ABRA: variants seen among roughly 807,000 people sequenced by gnomAD.
ABRA encodes the protein actin-binding Rho-activating protein.
In ABRA, 25 loss-of-function variants were observed where a neutral mutation model predicts 33.4. The ratio of observed to expected loss-of-function variants is 0.75; its 90% CI spans 0.55 to 1.04. ABRA has a LOEUF of 1.04. Ranked by LOEUF, ABRA falls within the 50% of genes least tolerant of loss-of-function variation. The pLI, the probability that ABRA is intolerant of heterozygous loss-of-function variation, is 0.00. For missense variants in ABRA, 501 were observed against 491.7 expected (o/e 1.02, Z -0.18); for synonymous variants, 193 against 176.8 (o/e 1.09, Z -0.73).
At chr8:106,765,466 C>A (rs1836204502) in intron 1 of ABRA, among the ~76,000 whole-genome samples, 1 of 152,182 alleles carries the variant, frequency 6.6e-6, no homozygotes, top group African/African-American at 2.4e-5. Context: ...TGCAGGCACC[C>A]TCCTCTGTCA....
rs770172317 is a variant in ABRA at position 106,770,028 on chromosome 8, C to T, written c.163G>A (p.Gly55Arg). 2 of 1,614,006 alleles carry T rather than the reference C, an allele frequency of 1.2e-6. No homozygotes were observed. The highest frequency in any genetic ancestry group is 1.7e-5 in the Admixed American group (1 of 60,014). ...AQEPTGWLPG[G>R]TQDSPQAPKP... is the part of the protein sequence containing the mutation. ...GGAGCTTGAGGTGAGTCCTGGGTCCCTCCCGGCAGCCAGCCTGTAGGCTCC... is the reference window on the plus strand; with the variant it reads ...GGAGCTTGAGGTGAGTCCTGGGTCCTTCCCGGCAGCCAGCCTGTAGGCTCC... Residue 55 changes from glycine to arginine, a missense_variant, in exon 1 of 2, where the codon GGG (glycine) becomes AGG (arginine). Physicochemically the swap from Gly to Arg is moderately radical, Grantham distance 125 (BLOSUM62 -2). Coordinates refer to ENST00000311955, the MANE Select transcript of ABRA (RefSeq NM_139166.5).
In ABRA at chr8:106,761,176, A is replaced by C. The variant is rs747175272; in HGVS notation, c.1007T>G (p.Leu336Arg). 1.2e-6 allele frequency: 2 copies of C among 1,614,148 alleles called. No homozygotes were observed. The highest frequency in any genetic ancestry group is 1.7e-6 in the Non-Finnish European group (2 of 1,180,054). ...TGAAATACGAACGTATCTGTCAAAG[A>C]GATCTCCAAAAGTAACCTGGATCTT... ...DGKIQVTFGD[L>R]FDRYVRISDK... The change falls in exon 2 of 2, where the codon CTC (leucine) becomes CGC (arginine). Residue 336 changes from leucine (L) to arginine (R), a missense_variant. Physicochemically the swap from Leu to Arg is moderately radical, Grantham distance 102. Transcript: ENST00000311955.
At chr8:106,768,094 CAA>C (rs397957500) in intron 1 of ABRA, among the ~76,000 whole-genome samples, 330 of 106,576 alleles carry the variant, frequency 3.1e-3, no homozygotes, top group African/African-American at 9.1e-3. Context: ...GACTTCATCT[CAA>C]AAAAAAAAAA....
chr8:106,762,637 G>A (rs2131630478), intron 1 of ABRA, among the ~76,000 whole-genome samples: 1 of 152,134 alleles, frequency 6.6e-6, no homozygotes, highest in East Asian at 1.9e-4. Flanking sequence ...CACAGGGAGG[G>A]GAACAGCACA....
chr8:106,760,785 C>A lies in ABRA; in HGVS notation c.*252G>T. 4.6e-6 allele frequency: 2 copies of A among 433,754 alleles called. No homozygotes were observed. Among genetic ancestry groups the A allele is most frequent in the Non-Finnish European group, 8.2e-6 (2 of 245,116 alleles). The allele number at this position is 433,754 out of a possible 1,614,324, so 26.9% of individuals were successfully genotyped here. On this transcript the variant is annotated 3_prime_UTR_variant, in exon 2 of 2. Coordinates refer to ENST00000311955, the MANE Select transcript of ABRA (RefSeq NM_139166.5). ...TGTCTCAAAACAAAAACAAAAACAC[C>A]CTGTGGAATTTCAACTATTAATACT...
rs36024019 is a variant in ABRA at position 106,761,447 on chromosome 8, T to C, written c.736A>G (p.Lys246Glu). The change falls in exon 2 of 2, where the codon AAA (lysine) becomes GAA (glutamate). Residue 246 changes from lysine to glutamate, a missense_variant. Lys to Glu is a moderately conservative substitution (Grantham distance 56). Transcript: ENST00000311955. ...QQKYSPVGNL[K>E]GRWQQWADEH... ...TCAGCCCACTGCTGCCATCTCCCTT[T>C]CAAGTTGCCCACTGGGCTATATTTC... 50,071 of 1,614,178 alleles carry C rather than the reference T, an allele frequency of 0.031. 969 individuals are homozygous for C. Among genetic ancestry groups the C allele is most frequent in the South Asian group, 0.058 (5,281 of 91,074 alleles).
chr8:106,765,944 G>A (rs1179654529), intron 1 of ABRA, among the ~76,000 whole-genome samples: 2 of 152,184 alleles, frequency 1.3e-5, no homozygotes, highest in Non-Finnish European at 2.9e-5. Flanking sequence ...GTCTAGCATA[G>A]TGGTTAAGAA....
At chr8:106,766,734 G>A (rs1288133230) in intron 1 of ABRA, among the ~76,000 whole-genome samples, 1 of 152,180 alleles carries the variant, frequency 6.6e-6, no homozygotes, top group East Asian at 1.9e-4. Context: ...ATCTTGAAGG[G>A]CTGGGATCAC....
chr8:106,766,396 T>C (rs1836221439), intron 1 of ABRA, among the ~76,000 whole-genome samples: 1 of 152,098 alleles, frequency 6.6e-6, no homozygotes, highest in African/African-American at 2.4e-5. Flanking sequence ...CTGTGATACA[T>C]AATTGTCTCC....
rs978302995 is a variant in ABRA, at chr8:106,761,112, A to G, written c.1071T>C (p.His357=). ...VVGILMRARK[H]GLVDFEGEML... ...TCTCTCCTTCAAAGTCTACCAGTCC[A>G]TGTTTCCTGGCACGCATGAGAATGC... The change falls in exon 2 of 2, where the codon CAT becomes CAC. Residue 357 remains histidine (H), a synonymous_variant. Transcript: ENST00000311955. 1.9e-6 allele frequency: 3 copies of G among 1,614,186 alleles called. No individual in the cohort carries two copies. Among genetic ancestry groups the G allele is most frequent in the East Asian group, 2.2e-5 (1 of 44,884 alleles).
intron 1 of ABRA, 83 bp downstream of exon 1, chr8:106,769,440 T>C (rs1208143521): frequency 6.5e-7 from 1 of 1,529,768 alleles, no homozygotes. Flanking sequence ...CTGGCAGGAC[T>C]TCATCTGCTG....
rs766201103 is a variant in ABRA, at chr8:106,770,045, G to A, written c.146C>T (p.Thr49Ile). ...CTGGGTCCCTCCCGGCAGCCAGCCT[G>A]TAGGCTCCTGGGCCTGCCTGATGCT... ...ENSIRQAQEP[T>I]GWLPGGTQDS... is the part of the protein sequence containing the mutation. The change falls in exon 1 of 2, where the codon ACA becomes ATA. Residue 49 changes from threonine (T) to isoleucine (I), a missense_variant. Transcript: ENST00000311955. 11 of 1,614,084 alleles carry A rather than the reference G, an allele frequency of 6.8e-6. No homozygotes were observed. Among genetic ancestry groups the A allele is most frequent in the Non-Finnish European group, 6.8e-6 (8 of 1,180,018 alleles).
In ABRA at chr8:106,761,341, T is replaced by C; in HGVS notation, c.842A>G (p.Lys281Arg). 6.2e-7 allele frequency: 1 copy of C among 1,614,176 alleles called. No homozygotes were observed. The change falls in exon 2 of 2, where the codon AAA becomes AGA. Residue 281 changes from lysine to arginine, a missense_variant. Physicochemically the swap from Lys to Arg is conservative, Grantham distance 26. Coordinates refer to ENST00000311955, the MANE Select transcript of ABRA (RefSeq NM_139166.5). ...YELAMSTRLH[K>R]GDEGYGRPKE... ...GGGGCGGCCATAGCCCTCATCTCCT[T>C]TGTGTAGGCGGGTGGACATGGCCAG...
intron 1 of ABRA, among the ~76,000 whole-genome samples, chr8:106,763,287 C>T (rs1191648406): frequency 2.0e-5 from 3 of 152,140 alleles, no homozygotes; most frequent in Non-Finnish European, 4.4e-5. Flanking sequence ...CAACGTCCTA[C>T]GCTTGCTATA....
intron 1 of ABRA, among the ~76,000 whole-genome samples, chr8:106,768,255 T>C (rs1670657295): frequency 6.6e-6 from 1 of 152,204 alleles, no homozygotes; most frequent in African/African-American, 2.4e-5. Context: ...TTTTCTTATA[T>C]TTTGATACCC....
At chr8:106,768,233 G>T (rs1195407211) in intron 1 of ABRA, among the ~76,000 whole-genome samples, 2 of 151,996 alleles carry the variant, frequency 1.3e-5, no homozygotes, top group East Asian at 1.9e-4. Context: ...TAAATGTAAT[G>T]ACATCAGACA....
At chr8:106,763,899 T>C (rs1405855733) in intron 1 of ABRA, among the ~76,000 whole-genome samples, 5 of 152,222 alleles carry the variant, frequency 3.3e-5, no homozygotes, top group African/African-American at 1.2e-4. Flanking sequence ...ATCCCTCCCA[T>C]GCTTTGAAGT....
rs776764557 is a variant in ABRA, at chr8:106,769,533, A to G, written c.658T>C (p.Leu220=). ...QVAVVRIKRP[L]PSQVNRFTEK... ...AATGCATTCACTTACTGGGAGGGCA[A>G]GGGGCGCTTGATCCTGACCACAGCC... Residue 220 remains leucine (L), a synonymous_variant, in exon 1 of 2, where the codon TTG becomes CTG. Coordinates refer to ENST00000311955, the MANE Select transcript of ABRA (RefSeq NM_139166.5). 29 of 1,612,662 alleles carry G rather than the reference A, an allele frequency of 1.8e-5. No homozygotes were observed. The Admixed American group carries it at 4.8e-4, about 27-fold the overall frequency.
chr8:106,760,879 CT>C lies in ABRA; in HGVS notation c.*157del. The C allele has an allele frequency of 1.4e-6, 1 of 698,116 alleles. No homozygotes were observed. Among genetic ancestry groups the C allele is most frequent in the East Asian group, 2.6e-5 (1 of 38,998 alleles). The allele number at this position is 698,116 out of a possible 1,614,324, so 43.2% of individuals were successfully genotyped here. On this transcript the variant is annotated 3_prime_UTR_variant, in exon 2 of 2. Coordinates refer to ENST00000311955, the MANE Select transcript of ABRA (RefSeq NM_139166.5). ...TGCCTTCTCAAAATCTCCAAAATTC[CT>C]CATTCTAGATAGAAATAGAATGCCA...
Sources: allele counts gnomAD v4.1 joint callset (sites outside exome capture counted in the v4.1 genomes callset), GRCh38; gene constraint gnomAD v4.1.1; transcripts MANE v1.5; gene names NCBI Gene and HGNC (gene_info 2026-07-23, HGNC 2026-07-21).